The following NTN4 variants were observed in gnomAD, a reference collection of about 807,000 sequenced individuals.
NTN4 encodes netrin 4.
NTN4 carries 32 observed loss-of-function variants against 73.6 expected under a neutral mutation model. That is an observed-to-expected ratio of 0.44 (90% CI 0.33 to 0.58). The LOEUF (loss-of-function observed/expected upper bound fraction) is 0.58, where lower values mean the gene tolerates loss of function less well. NTN4 is among the 20% of genes least tolerant of loss of function. The pLI, the probability that NTN4 is intolerant of heterozygous loss-of-function variation, is 0.04. For missense variants in NTN4, 654 were observed against 798.3 expected, an observed-to-expected ratio of 0.82 and a Z score of 2.18; for synonymous variants, 258 against 287.5, an observed-to-expected ratio of 0.90 and a Z score of 1.04.
chr12:95,657,910 T>C lies in NTN4; in HGVS notation c.*1176A>G, dbSNP rs1242984578. 1 of 152,606 alleles carries C rather than the reference T, an allele frequency of 6.6e-6. No homozygotes were observed. The highest frequency in any genetic ancestry group is 1.5e-5 in the Non-Finnish European group (1 of 68,050). 9.5% of individuals were successfully genotyped at this position (152,606 alleles called of 1,614,324 possible). On this transcript the variant is annotated 3_prime_UTR_variant, in exon 10 of 10. Transcript: ENST00000343702. The stretch of plus-strand genomic sequence containing the variant: ...CACAGGACTTCAGAGAAAAAAAGGT[T>C]CTGTATGTGAAATTATTCATATGGC...
At chr12:95,753,488 G>C (rs1354524591) in intron 2 of NTN4, among the ~76,000 whole-genome samples, 3 of 140,716 alleles carry the variant, frequency 2.1e-5, no homozygotes, top group Non-Finnish European at 4.7e-5. Flanking sequence ...GTCTGAGAAG[G>C]CCACCACAGT....
At chr12:95,682,345 T>G (rs539733931) in intron 7 of NTN4, among the ~76,000 whole-genome samples, 73 of 151,984 alleles carry the variant, frequency 4.8e-4, no homozygotes, top group Admixed American at 8.5e-4. Flanking sequence ...CCCCACTCAG[T>G]AGGCTCTTAA....
At chr12:95,752,807 C>T (rs878977440) in intron 2 of NTN4, among the ~76,000 whole-genome samples, 154 of 152,028 alleles carry the variant, frequency 1.0e-3, no homozygotes, top group Admixed American at 5.0e-3. Context: ...CTCATGTCTG[C>T]GTGCAGCGGC....
chr12:95,778,567 G>A (rs7957223), intron 2 of NTN4, among the ~76,000 whole-genome samples: 93,272 of 152,020 alleles, frequency 0.61, 29,287 homozygotes, highest in South Asian at 0.78. Flanking sequence ...TCTAGAAGAA[G>A]TGGATAAATT....
intron 2 of NTN4, among the ~76,000 whole-genome samples, chr12:95,743,265 ATT>A (rs143890933): frequency 6.6e-6 from 1 of 151,580 alleles, no homozygotes; most frequent in Non-Finnish European, 1.5e-5. Flanking sequence ...TGTTTTAATG[ATT>A]TTCTCTATTG....
chr12:95,757,926 A>G (rs1157112124), intron 2 of NTN4, among the ~76,000 whole-genome samples: 2 of 152,218 alleles, frequency 1.3e-5, no homozygotes, highest in Non-Finnish European at 2.9e-5. Flanking sequence ...AAAGAGCATG[A>G]GACAAGTAAA....
At chr12:95,705,195 CTT>C (rs1242205761) in intron 5 of NTN4, among the ~76,000 whole-genome samples, 1 of 151,894 alleles carries the variant, frequency 6.6e-6, no homozygotes, top group Non-Finnish European at 1.5e-5. Flanking sequence ...TTAAGAGTAT[CTT>C]AATGTGGTCT....
intron 5 of NTN4, among the ~76,000 whole-genome samples, chr12:95,684,391 T>G (rs922787290): frequency 6.6e-6 from 1 of 151,922 alleles, no homozygotes; most frequent in African/African-American, 2.4e-5. Flanking sequence ...CTCAACTTCT[T>G]GAGCTCAAGC....
intron 5 of NTN4, among the ~76,000 whole-genome samples, chr12:95,699,024 T>TAAA (rs34883760): frequency 8.8e-4 from 123 of 140,404 alleles, no homozygotes; most frequent in African/African-American, 2.9e-3. Context: ...CTTCTTGGAT[T>TAAA]AAAAAAAAAA....
intron 2 of NTN4, among the ~76,000 whole-genome samples, chr12:95,763,013 A>G (rs542213352): frequency 1.3e-5 from 2 of 152,234 alleles, no homozygotes; most frequent in African/African-American, 4.8e-5. Flanking sequence ...ATAATGACAA[A>G]GCCATAATTA....
intron 7 of NTN4, chr12:95,673,628 T>TA (rs3051520): frequency 1.8e-4 from 27 of 151,484 alleles, no homozygotes; most frequent in Non-Finnish European, 3.2e-4. Context: ...TTTACTTTTA[T>TA]AAAAAAAAAA....
chr12:95,705,008 A>G (rs114376092), intron 5 of NTN4, among the ~76,000 whole-genome samples: 173 of 152,346 alleles, frequency 1.1e-3, no homozygotes, highest in African/African-American at 3.9e-3. Flanking sequence ...TTTGTTAACT[A>G]GGAATGATTA....
At chr12:95,747,448 T>G (rs2078870567) in intron 2 of NTN4, among the ~76,000 whole-genome samples, 1 of 152,178 alleles carries the variant, frequency 6.6e-6, no homozygotes, top group Non-Finnish European at 1.5e-5. Context: ...GGATTACAGG[T>G]GCATGCCACC....
Position 95,790,384 on chromosome 12 carries a change from G to T in NTN4, c.-75C>A. The T allele has an allele frequency of 7.8e-7, 1 of 1,286,264 alleles. No individual in the cohort carries two copies. The highest frequency in any genetic ancestry group is 1.0e-6 in the Non-Finnish European group (1 of 953,990). 79.7% of individuals were successfully genotyped at this position (1,286,264 alleles called of 1,614,324 possible). A position where few individuals can be genotyped will look rare whatever the true frequency, so the allele number is the denominator to read the frequency against. On this transcript the variant is annotated 5_prime_UTR_variant, in exon 1 of 10. Coordinates refer to ENST00000343702, the MANE Select transcript of NTN4 (RefSeq NM_021229.4). This position sits in a 1 kb window ranked among gnomAD's most constrained non-coding sequence, Gnocchi z 6.5. ...CGAGACCTCTGGGCTGCGGGATGAA[G>T]CGCCGCCGTCCTCGGGAGGGAACGG...
chr12:95,673,077 G>A lies in NTN4; in HGVS notation c.1511-2931C>T, dbSNP rs182826089. 1.0e-4 allele frequency: 148 copies of A among 1,443,596 alleles called. 2 individuals are homozygous for A. The African/African-American group carries it at 1.1e-3, about 11-fold the overall frequency. 89.4% of individuals were successfully genotyped at this position (1,443,596 alleles called of 1,614,324 possible). A position where few individuals can be genotyped will look rare whatever the true frequency, so the allele number is the denominator to read the frequency against. ...GCAAGGCCAAGAAGTGAAGGCCGGC[G>A]GGCGGACTACTGTCCCCAGGAGCAC... is the stretch of plus-strand genomic sequence containing the variant. On this transcript the variant is annotated intron_variant, in intron 7 of 9. Transcript: ENST00000343702.
chr12:95,730,847 G>T (rs930392198), intron 3 of NTN4, among the ~76,000 whole-genome samples: 2 of 152,094 alleles, frequency 1.3e-5, no homozygotes, highest in Non-Finnish European at 2.9e-5. Context: ...GGAATATGTT[G>T]CACTCCTTTG....
In NTN4 at chr12:95,757,184, CAT is replaced by C. The variant is rs374423237; in HGVS notation, c.586-19042_586-19041del. On this transcript the variant is annotated intron_variant, in intron 2 of 9. Transcript: ENST00000343702. ...AGTTAACACATATTTGTTGAAAACT[CAT>C]ATTCATGCTTAATAATGGCTTACAT... 4.5e-4 allele frequency among the ~76,000 whole-genome samples: 68 copies of C among 152,246 alleles called. No homozygotes were observed. The East Asian group carries it at 0.01, about 22-fold the overall frequency.
chr12:95,764,955 G>A (rs985532215), intron 2 of NTN4, among the ~76,000 whole-genome samples: 4 of 152,126 alleles, frequency 2.6e-5, no homozygotes, highest in South Asian at 2.1e-4. Context: ...GGCAAGTCCC[G>A]AAAGGGAAGC....
intron 5 of NTN4, among the ~76,000 whole-genome samples, chr12:95,705,956 T>A (rs1054255637): frequency 6.6e-6 from 1 of 152,246 alleles, no homozygotes; most frequent in Non-Finnish European, 1.5e-5. Flanking sequence ...AGTTCGTTGA[T>A]GAATGTTCAG....
Sources: allele counts gnomAD v4.1 joint callset (sites outside exome capture counted in the v4.1 genomes callset), GRCh38; gene constraint gnomAD v4.1.1; non-coding constraint Gnocchi (gnomAD v3.1); transcripts MANE v1.5; gene names NCBI Gene and HGNC (gene_info 2026-07-23, HGNC 2026-07-21).